Variants in DOCK1 observed in about 807,000 individuals in gnomAD.
The protein encoded by DOCK1 is dedicator of cytokinesis protein 1.
DOCK1 carries 138 observed loss-of-function variants against 262.7 expected under a neutral mutation model. That is an observed-to-expected ratio of 0.53 (90% CI 0.46 to 0.61). DOCK1 has a LOEUF of 0.61. Ranked by LOEUF, DOCK1 falls within the 20% of genes least tolerant of loss-of-function variation. The pLI is 0.00. For synonymous variants in DOCK1, 866 were observed against 867.4 expected, an observed-to-expected ratio of 1.00 and a Z score of 0.03; for missense variants, 1,908 against 2,370.7, an observed-to-expected ratio of 0.80 and a Z score of 4.05.
chr10:127,216,786 G>A (rs1326731674), intron 27 of DOCK1, among the ~76,000 whole-genome samples: 1 of 152,118 alleles, frequency 6.6e-6, no homozygotes, highest in East Asian at 1.9e-4. Context: ...GTGAAGTTCT[G>A]AAGTACTTAA....
intron 23 of DOCK1, among the ~76,000 whole-genome samples, chr10:127,089,542 G>A (rs1228919203): frequency 6.6e-6 from 1 of 152,120 alleles, no homozygotes; most frequent in Non-Finnish European, 1.5e-5. Flanking sequence ...GGAGGATTCT[G>A]ACCCCCACAC....
chr10:126,989,247 T>G (rs910746959), intron 5 of DOCK1, among the ~76,000 whole-genome samples: 1 of 152,110 alleles, frequency 6.6e-6, no homozygotes, highest in Admixed American at 6.5e-5. Flanking sequence ...GTGGTTTAGA[T>G]ATGTAGAGGG....
At chr10:127,309,808 A>G (rs1389619255) in intron 29 of DOCK1, among the ~76,000 whole-genome samples, 1 of 151,992 alleles carries the variant, frequency 6.6e-6, no homozygotes, top group Admixed American at 6.6e-5. Flanking sequence ...GTTTTTAATC[A>G]GTGAGATGAC....
intron 27 of DOCK1, among the ~76,000 whole-genome samples, chr10:127,131,675 C>CGTG: frequency 6.6e-6 from 1 of 151,890 alleles, no homozygotes; most frequent in South Asian, 2.1e-4. Context: ...TTTTTAAAGT[C>CGTG]GTTGCTCTGT....
At chr10:127,370,355 A>G (rs1287113740) in intron 33 of DOCK1, among the ~76,000 whole-genome samples, 3 of 152,168 alleles carry the variant, frequency 2.0e-5, no homozygotes, top group East Asian at 1.9e-4. Flanking sequence ...GGAGCCCTCC[A>G]TCAAGGCGGT....
intron 29 of DOCK1, among the ~76,000 whole-genome samples, chr10:127,309,222 A>G (rs2061978368): frequency 6.6e-6 from 1 of 151,746 alleles, no homozygotes; most frequent in Admixed American, 6.6e-5. Flanking sequence ...ATTTGTTGGC[A>G]CCATGAATGC....
intron 27 of DOCK1, among the ~76,000 whole-genome samples, chr10:127,129,118 T>C (rs1165647573): frequency 6.6e-6 from 1 of 152,140 alleles, no homozygotes; most frequent in East Asian, 1.9e-4. Context: ...TTTTTATGTC[T>C]GGTGTCACCA....
At chr10:127,156,839 A>C (rs1326287213) in intron 27 of DOCK1, among the ~76,000 whole-genome samples, 1 of 152,140 alleles carries the variant, frequency 6.6e-6, no homozygotes, top group African/African-American at 2.4e-5. Context: ...AAGTGTTGGG[A>C]TTACAGGCGT....
At chr10:127,066,848 C>A (rs1455297112) in intron 23 of DOCK1, among the ~76,000 whole-genome samples, 1 of 152,244 alleles carries the variant, frequency 6.6e-6, no homozygotes, top group East Asian at 1.9e-4. Flanking sequence ...CCTTAATTAA[C>A]CTACCCAAGG....
chr10:127,416,577 A>G (rs1217746715), intron 44 of DOCK1, among the ~76,000 whole-genome samples: 2 of 152,160 alleles, frequency 1.3e-5, no homozygotes, highest in African/African-American at 4.8e-5. Context: ...GAAGGCAAAT[A>G]ATCCCAGAAT....
intron 32 of DOCK1, among the ~76,000 whole-genome samples, chr10:127,361,321 A>T (rs569404207): frequency 1.3e-5 from 2 of 151,970 alleles, no homozygotes; most frequent in Non-Finnish European, 2.9e-5. Context: ...TCACCGTGTT[A>T]GCCAGGATGG....
intron 27 of DOCK1, among the ~76,000 whole-genome samples, chr10:127,184,359 T>A (rs2056025765): frequency 7.4e-6 from 1 of 134,434 alleles, no homozygotes; most frequent in Non-Finnish European, 1.6e-5. Flanking sequence ...CATGCCCTAT[T>A]CGTTTTTGTT....
intron 1 of DOCK1, among the ~76,000 whole-genome samples, chr10:126,963,483 T>C: frequency 6.6e-6 from 1 of 152,106 alleles, no homozygotes; most frequent in East Asian, 1.9e-4. Context: ...GACAATACTT[T>C]TAATAACACC....
chr10:126,949,574 T>A (rs1176719426), intron 1 of DOCK1, among the ~76,000 whole-genome samples: 1 of 152,090 alleles, frequency 6.6e-6, no homozygotes. Context: ...AGCTGGGACA[T>A]GGTTGGATCT....
At chr10:127,192,368 T>C (rs1188449408) in intron 27 of DOCK1, among the ~76,000 whole-genome samples, 1 of 152,242 alleles carries the variant, frequency 6.6e-6, no homozygotes, top group Non-Finnish European at 1.5e-5. Flanking sequence ...TTGTCCCTAA[T>C]ATCTGCTGTT....
intron 44 of DOCK1, among the ~76,000 whole-genome samples, chr10:127,415,551 C>G (rs1228958755): frequency 1.3e-5 from 2 of 152,154 alleles, no homozygotes; most frequent in Non-Finnish European, 2.9e-5. Context: ...TTGTGTTAAC[C>G]AAGTGAAAAG....
In DOCK1 at chr10:127,040,697, C is replaced by T. The variant is rs1047155831; in HGVS notation, c.2011-1928C>T. 2.0e-5 allele frequency among the ~76,000 whole-genome samples: 3 copies of T among 152,316 alleles called. No individual in the cohort carries two copies. In the South Asian group the frequency reaches 6.2e-4, roughly 32 times the overall value. ...GGAGGAATCTGAACCAAACACCTGA[C>T]CCAGCCTTTCCTCTGATGTCCTTGC... On this transcript the variant is annotated intron_variant, in intron 19 of 51. Coordinates refer to ENST00000623213, the MANE Select transcript of DOCK1 (RefSeq NM_001290223.2).
At chr10:127,076,230 G>T (rs1181689914) in intron 23 of DOCK1, among the ~76,000 whole-genome samples, 1 of 152,224 alleles carries the variant, frequency 6.6e-6, no homozygotes, top group Admixed American at 6.5e-5. Flanking sequence ...GGCCAGGCAC[G>T]GTGGCTCGTG....
intron 29 of DOCK1, among the ~76,000 whole-genome samples, chr10:127,299,640 A>G (rs1321490294): frequency 6.6e-6 from 1 of 152,198 alleles, no homozygotes; most frequent in Admixed American, 6.5e-5. Flanking sequence ...GGCCTCTTGA[A>G]CTGCAAGAAT....
Sources: gnomAD v4.1 joint callset for allele counts (sites outside exome capture counted in the v4.1 genomes callset) on GRCh38, gnomAD v4.1.1 for gene constraint, MANE v1.5 for transcripts, NCBI Gene and HGNC (gene_info 2026-07-23, HGNC 2026-07-21) for gene names.